The following AFF1 variants were observed in gnomAD, a reference collection of about 807,000 sequenced individuals.
AFF1 encodes the protein AF4/FMR2 family member 1.
AFF1 carries 48 observed loss-of-function variants against 121.7 expected under a neutral mutation model. That is an observed-to-expected ratio of 0.39 (90% CI 0.31 to 0.50). AFF1 has a LOEUF of 0.50. Among genes scored for constraint, AFF1 ranks in the 20% least tolerant of loss-of-function variants. AFF1 has a pLI of 0.76. For missense variants in AFF1, 1,523 were observed against 1,511.7 expected, an observed-to-expected ratio of 1.01 and a Z score of -0.12; for synonymous variants, 613 against 563.0, an observed-to-expected ratio of 1.09 and a Z score of -1.26.
chr4:86,958,993 A>G (rs1721953654), intron 2 of AFF1, among the ~76,000 whole-genome samples: 1 of 152,184 alleles, frequency 6.6e-6, no homozygotes, highest in Admixed American at 6.5e-5. Flanking sequence ...CCTCTCTTCC[A>G]GGGGACATTT....
chr4:87,026,871 A>G (rs1187642958), intron 2 of AFF1, among the ~76,000 whole-genome samples: 1 of 152,228 alleles, frequency 6.6e-6, no homozygotes, highest in Non-Finnish European at 1.5e-5. Flanking sequence ...AAATAGAACC[A>G]TAGACTCAAT....
In AFF1 at chr4:87,093,915, T is replaced by G. The variant is rs547177935; in HGVS notation, c.1229-1000T>G. ...TCCACACGTAACATTTCCTGCTCCC[T>G]TCTAAGTTATGCCAGGTAGCACTAC... On this transcript the variant is annotated intron_variant, in intron 7 of 20. Coordinates refer to ENST00000395146, the MANE Select transcript of AFF1 (RefSeq NM_001166693.3). 3.3e-4 allele frequency among the ~76,000 whole-genome samples: 50 copies of G among 152,338 alleles called. 1 individual carries two copies. The South Asian group carries it at 0.01, about 31-fold the overall frequency.
intron 4 of AFF1, among the ~76,000 whole-genome samples, chr4:87,061,825 G>A (rs1720819359): frequency 6.7e-6 from 1 of 149,914 alleles, no homozygotes; most frequent in Non-Finnish European, 1.5e-5. Context: ...TTTCAGTAAG[G>A]TAATGTCATC....
intron 1 of AFF1, among the ~76,000 whole-genome samples, chr4:86,942,763 A>C (rs888944606): frequency 2.6e-5 from 4 of 152,206 alleles, no homozygotes; most frequent in Admixed American, 6.5e-5. Context: ...CTTGAATATG[A>C]ATGAGATCTC....
At chr4:86,972,131 C>CAAAAA (rs59683267) in intron 2 of AFF1, among the ~76,000 whole-genome samples, 4 of 57,948 alleles carry the variant, frequency 6.9e-5, no homozygotes, top group Non-Finnish European at 8.9e-5. Flanking sequence ...GAGCTTGTCT[C>CAAAAA]AAAAAAAAAA....
Position 87,138,016 on chromosome 4 carries a change from T to A in AFF1, c.*2315T>A, listed in dbSNP as rs1729430351. 1 of 223,498 alleles carries A rather than the reference T, an allele frequency of 4.5e-6. No individual in the cohort carries two copies. The highest frequency in any genetic ancestry group is 8.7e-6 in the Non-Finnish European group (1 of 115,008). The allele number at this position is 223,498 out of a possible 1,614,324, so 13.8% of individuals were successfully genotyped here. Reference sequence around the variant, plus strand: ...AAACAGATTGCTTTTTCAGTGGCCTTACTCTTTGTGGGTTTTTTTTTTTTT... The same window carrying A: ...AAACAGATTGCTTTTTCAGTGGCCTAACTCTTTGTGGGTTTTTTTTTTTTT... On this transcript the variant is annotated 3_prime_UTR_variant, in exon 21 of 21. Coordinates refer to ENST00000395146, the MANE Select transcript of AFF1 (RefSeq NM_001166693.3).
intron 2 of AFF1, among the ~76,000 whole-genome samples, chr4:87,042,623 A>G (rs1229621482): frequency 6.6e-6 from 1 of 152,260 alleles, no homozygotes; most frequent in Non-Finnish European, 1.5e-5. Context: ...TCATAAAAAG[A>G]AAATTTGTCT....
intron 2 of AFF1, among the ~76,000 whole-genome samples, chr4:86,988,512 T>A (rs1294857286): frequency 6.6e-6 from 1 of 151,984 alleles, no homozygotes; most frequent in Non-Finnish European, 1.5e-5. Flanking sequence ...TCAAGGAGAA[T>A]TAAAAACCAC....
chr4:87,023,776 A>G (rs1728260050), intron 2 of AFF1, among the ~76,000 whole-genome samples: 1 of 152,260 alleles, frequency 6.6e-6, no homozygotes, highest in Admixed American at 6.5e-5. Context: ...AATCACTGAA[A>G]TAAAGCATGA....
In AFF1 at chr4:86,976,089, A is replaced by G. The variant is rs150040734; in HGVS notation, c.38+27518A>G. 3.3e-3 allele frequency among the ~76,000 whole-genome samples: 505 copies of G among 152,306 alleles called. 2 individuals are homozygous for G. Among genetic ancestry groups the G allele is most frequent in the African/African-American group, 0.012 (482 of 41,574 alleles). On this transcript the variant is annotated intron_variant, in intron 2 of 20. Coordinates refer to ENST00000395146, the MANE Select transcript of AFF1 (RefSeq NM_001166693.3). ...GTGTGTTAAGTTCAATGATGGAGGG[A>G]TGTAACAAGGAAGGGAACTTCTGTA...
intron 7 of AFF1, among the ~76,000 whole-genome samples, chr4:87,093,712 A>G (rs576102974): frequency 1.5e-4 from 23 of 152,322 alleles, no homozygotes; most frequent in African/African-American, 4.8e-4. Flanking sequence ...TGAAAATATC[A>G]TATAAGAGCT....
In AFF1 at chr4:87,000,064, A is replaced by G. The variant is rs1651369065; in HGVS notation, c.39-46102A>G. Among the ~76,000 whole-genome samples, 3 of 152,322 alleles carry G rather than the reference A, an allele frequency of 2.0e-5. No individual in the cohort carries two copies. In the South Asian group the frequency reaches 6.2e-4, roughly 32 times the overall value. On this transcript the variant is annotated intron_variant, in intron 2 of 20. Coordinates refer to ENST00000395146, the MANE Select transcript of AFF1 (RefSeq NM_001166693.3). Reference sequence around the variant, plus strand: ...CCAAGGCTGGAACAATTTGATAACAAAATCAATCATGTAGTGGCTTATGAT... The same window carrying G: ...CCAAGGCTGGAACAATTTGATAACAGAATCAATCATGTAGTGGCTTATGAT...
intron 2 of AFF1, among the ~76,000 whole-genome samples, chr4:86,970,454 G>T (rs968775571): frequency 4.6e-5 from 7 of 152,170 alleles, no homozygotes; most frequent in African/African-American, 1.4e-4. Flanking sequence ...TTACTTAAGG[G>T]TACATATTTT....
At chr4:87,109,620 T>C (rs1247529499) in intron 11 of AFF1, among the ~76,000 whole-genome samples, 1 of 152,232 alleles carries the variant, frequency 6.6e-6, no homozygotes, top group Non-Finnish European at 1.5e-5. Context: ...ACCTTATTCT[T>C]AAGAAAAATC....
chr4:86,961,477 T>C (rs1722137909), intron 2 of AFF1, among the ~76,000 whole-genome samples: 4 of 151,960 alleles, frequency 2.6e-5, no homozygotes, highest in Admixed American at 2.6e-4. Context: ...AAAAAGTTGT[T>C]CCTGGGAGAT....
chr4:86,964,415 G>A (rs1024292693), intron 2 of AFF1, among the ~76,000 whole-genome samples: 8 of 150,180 alleles, frequency 5.3e-5, no homozygotes, highest in Non-Finnish European at 1.0e-4. Context: ...GCACCCAGCC[G>A]CCTGGGTTGT....
At chr4:86,954,501 T>A (rs1484162905) in intron 2 of AFF1, among the ~76,000 whole-genome samples, 1 of 152,156 alleles carries the variant, frequency 6.6e-6, no homozygotes, top group Non-Finnish European at 1.5e-5. Context: ...GTGGGCAGAC[T>A]GCTTGAGTCC....
intron 2 of AFF1, among the ~76,000 whole-genome samples, chr4:87,022,981 C>T (rs116179314): frequency 0.013 from 1,991 of 152,074 alleles, 41 homozygotes; most frequent in African/African-American, 0.046. Context: ...TAGCTTACCG[C>T]AGCATTAGAC....
At position 87,047,013 on chromosome 4, in the gene AFF1, C is replaced by T. The variant is rs61734711; in HGVS notation, c.478C>T (p.Pro160Ser). The T allele has an allele frequency of 6.2e-7, 1 of 1,614,044 alleles. No homozygotes were observed. The highest frequency in any genetic ancestry group is 8.5e-7 in the Non-Finnish European group (1 of 1,180,036). The change falls in exon 4 of 21, where the codon CCA (proline) becomes TCA (serine). Residue 160 changes from proline to serine, a missense_variant. Pro to Ser is a moderately conservative substitution (Grantham distance 74). This residue lies in a region of AFF1 where 369 missense variants were observed against 367.2 expected (regional missense o/e 1.00). Transcript: ENST00000395146. ...MPSLHAKSCG[P>S]PDSQHLTQDR... The stretch of plus-strand genomic sequence containing the variant: ...AAGTCTCCATGCCAAAAGCTGCGGC[C>T]CACCGGACAGCCAGCACCTGACCCA...
Sources: gnomAD v4.1 joint callset for allele counts (sites outside exome capture counted in the v4.1 genomes callset) on GRCh38, gnomAD v4.1.1 for gene constraint, gnomAD v4.1.1 regional missense constraint, MANE v1.5 for transcripts, NCBI Gene and HGNC (gene_info 2026-07-23, HGNC 2026-07-21) for gene names.